The following HTT variants were observed in gnomAD, a reference collection of about 807,000 sequenced individuals.
The protein encoded by HTT is huntington disease protein.
Under a neutral mutation model 362.3 loss-of-function variants are expected in HTT, and 104 were observed. The ratio of observed to expected loss-of-function variants is 0.29; its 90% CI spans 0.24 to 0.34. The LOEUF (loss-of-function observed/expected upper bound fraction) is 0.34, where lower values mean the gene tolerates loss of function less well. Ranked by LOEUF, HTT falls within the 10% of genes least tolerant of loss-of-function variation. The pLI is 1.00. For synonymous variants in HTT, 1,577 were observed against 1,548.7 expected (o/e 1.02, Z -0.43); for missense variants, 3,301 against 3,928.6 (o/e 0.84, Z 4.27).
intron 14 of HTT, among the ~76,000 whole-genome samples, 174 bp downstream of exon 14, chr4:3,130,597 A>G (rs363085): frequency 0.015 from 2,294 of 152,252 alleles, 44 homozygotes; most frequent in African/African-American, 0.048. Context: ...TACTACCCAC[A>G]GCCTTGAGAA....
At chr4:3,166,678 C>T (rs1717727022) in intron 29 of HTT, among the ~76,000 whole-genome samples, 1 of 152,252 alleles carries the variant, frequency 6.6e-6, no homozygotes, top group African/African-American at 2.4e-5. Context: ...GCTCCTGCAT[C>T]CCAGGTCGAT....
chr4:3,113,944 T>G (rs573071078), intron 6 of HTT, among the ~76,000 whole-genome samples: 182 of 152,058 alleles, frequency 1.2e-3, no homozygotes, highest in African/African-American at 4.3e-3. Flanking sequence ...GCTAGAGGAA[T>G]TAAAGACACA....
At chr4:3,182,094 TAAC>T (rs1269125501) in intron 36 of HTT, among the ~76,000 whole-genome samples, 1 of 152,220 alleles carries the variant, frequency 6.6e-6, no homozygotes, top group Non-Finnish European at 1.5e-5. Context: ...TCTATACAAA[TAAC>T]AATGATGGCA....
Position 3,206,697 on chromosome 4 carries a change from T to A in HTT, c.5898+22T>A, listed in dbSNP as rs1719870050. The A allele has an allele frequency of 6.2e-7, 1 of 1,601,762 alleles. No homozygotes were observed. The highest frequency in any genetic ancestry group is 1.3e-5 in the African/African-American group (1 of 74,684). ...AACTGTACGTCTTCATCCTGCCGAC[T>A]ATTGCCAGTTGCAGTTTTCCCTGCC... is the stretch of plus-strand genomic sequence containing the variant. On this transcript the variant is annotated intron_variant, in intron 43 of 66. Transcript: ENST00000355072. This position sits in a 1 kb window ranked among gnomAD's most constrained non-coding sequence, Gnocchi z 4.6.
rs1714570791 is a variant in HTT at position 3,108,794 on chromosome 4, G to A, written c.747+1371G>A. Reference sequence around the variant, plus strand: ...GGTACAGTGGCTTGTGCCTATAATTGTAGCTACTTGGGAGGCTGAGGTAGG... The same window carrying A: ...GGTACAGTGGCTTGTGCCTATAATTATAGCTACTTGGGAGGCTGAGGTAGG... On this transcript the variant is annotated intron_variant, in intron 6 of 66. Transcript: ENST00000355072. Among the ~76,000 whole-genome samples the A allele has an allele frequency of 2.0e-5, 3 of 152,094 alleles. No individual in the cohort carries two copies. The South Asian group carries it at 6.2e-4, about 32-fold the overall frequency.
At chr4:3,217,343 A>G (rs1720459166) in intron 51 of HTT, among the ~76,000 whole-genome samples, 1 of 152,236 alleles carries the variant, frequency 6.6e-6, no homozygotes, top group Admixed American at 6.5e-5. Context: ...AAGCCAGTGA[A>G]GCAAGGATGA....
intron 6 of HTT, among the ~76,000 whole-genome samples, chr4:3,110,107 C>T (rs147669582): frequency 1.3e-5 from 2 of 152,310 alleles, no homozygotes; most frequent in East Asian, 3.9e-4. Context: ...GTTCAGCTTT[C>T]CTCAGACCCT....
chr4:3,193,703 T>A (rs1719122961), intron 40 of HTT, among the ~76,000 whole-genome samples: 1 of 152,258 alleles, frequency 6.6e-6, no homozygotes, highest in Admixed American at 6.5e-5. Flanking sequence ...TGGTGTTCTG[T>A]ACCTGAAATG....
intron 46 of HTT, among the ~76,000 whole-genome samples, chr4:3,209,409 A>G (rs548179373): frequency 6.6e-6 from 1 of 152,322 alleles, no homozygotes; most frequent in South Asian, 2.1e-4. Context: ...ATATGAATTT[A>G]GATTTCAAAA....
At chr4:3,210,154 G>T (rs2110273659) in intron 47 of HTT, among the ~76,000 whole-genome samples, 1 of 152,304 alleles carries the variant, frequency 6.6e-6, no homozygotes, top group East Asian at 1.9e-4. Flanking sequence ...CGGGACATGG[G>T]GGTTATGCTG....
chr4:3,215,240 C>G, intron 51 of HTT, 29 bp downstream of exon 51: 1 of 1,532,324 alleles, frequency 6.5e-7, no homozygotes, highest in Non-Finnish European at 9.0e-7. Context: ...TTTTTTCTTA[C>G]ATGTTGTTCC....
chr4:3,230,892 G>T (rs1240754631), intron 60 of HTT, among the ~76,000 whole-genome samples: 1 of 152,220 alleles, frequency 6.6e-6, no homozygotes, highest in Non-Finnish European at 1.5e-5. Context: ...AGGAGGGATA[G>T]AAACATTCAG....
chr4:3,211,869 C>G, intron 47 of HTT, 60 bp from the exon 48 acceptor site: 2 of 1,215,238 alleles, frequency 1.6e-6, no homozygotes, highest in Admixed American at 1.8e-5. Flanking sequence ...TTTTTCTTAC[C>G]TGATTGAAAG....
At chr4:3,221,553 C>T (rs1720673307) in intron 53 of HTT, among the ~76,000 whole-genome samples, 1 of 152,198 alleles carries the variant, frequency 6.6e-6, no homozygotes, top group African/African-American at 2.4e-5. Flanking sequence ...TGCACGCTCT[C>T]CTTCTCTCTG....
At chr4:3,205,543 A>G (rs1004754146) in intron 42 of HTT, among the ~76,000 whole-genome samples, 3 of 152,184 alleles carry the variant, frequency 2.0e-5, no homozygotes, top group African/African-American at 7.2e-5. Context: ...AAAGATACTA[A>G]TTTTATAAGT....
chr4:3,179,126 G>C (rs542821594), intron 35 of HTT, among the ~76,000 whole-genome samples: 1 of 152,174 alleles, frequency 6.6e-6, no homozygotes, highest in Non-Finnish European at 1.5e-5. Context: ...CAAACTCCCA[G>C]ATGTGAGAAT....
intron 29 of HTT, among the ~76,000 whole-genome samples, chr4:3,161,586 G>T (rs1160348738): frequency 6.6e-6 from 1 of 152,146 alleles, no homozygotes; most frequent in East Asian, 1.9e-4. Flanking sequence ...AGCATCTGTT[G>T]TTTCGTGACT....
At chr4:3,108,416 C>T (rs773819551) in intron 6 of HTT, among the ~76,000 whole-genome samples, 28 of 152,054 alleles carry the variant, frequency 1.8e-4, no homozygotes, top group Non-Finnish European at 3.8e-4. Flanking sequence ...GTAGTTTCTG[C>T]TGCTGTTATT....
chr4:3,149,409 T>C (rs1335259671), intron 26 of HTT, among the ~76,000 whole-genome samples: 3 of 151,866 alleles, frequency 2.0e-5, no homozygotes, highest in Non-Finnish European at 4.4e-5. Context: ...ACGATTCTTC[T>C]GCCTCAGCCT....
Sources: allele counts gnomAD v4.1 joint callset (sites outside exome capture counted in the v4.1 genomes callset), GRCh38; gene constraint gnomAD v4.1.1; non-coding constraint Gnocchi (gnomAD v3.1); transcripts MANE v1.5; gene names NCBI Gene and HGNC (gene_info 2026-07-23, HGNC 2026-07-21).